The following PMM2 variants were observed in gnomAD, a reference collection of about 807,000 sequenced individuals.
PMM2 encodes phosphomannomutase 2.
PMM2 carries 35 observed loss-of-function variants against 33.2 expected under a neutral mutation model. The ratio of observed to expected loss-of-function variants is 1.06; its 90% confidence interval spans 0.81 to 1.40. The LOEUF (loss-of-function observed/expected upper bound fraction) is 1.40. Among genes scored for constraint, PMM2 ranks in the 40% most tolerant of loss-of-function variants. PMM2 has a pLI of 0.00. For missense variants in PMM2, 386 were observed against 306.0 expected, an observed-to-expected ratio of 1.26 and a Z score of -1.95; for synonymous variants, 153 against 114.7, an observed-to-expected ratio of 1.33 and a Z score of -2.13.
At chr16:8,815,626 G>A (rs1294422993) in intron 7 of PMM2, among the ~76,000 whole-genome samples, 3 of 152,250 alleles carry the variant, frequency 2.0e-5, no homozygotes, top group East Asian at 1.9e-4. Context: ...CAGTGAACAC[G>A]GGGGTACAGA....
chr16:8,847,612 T>C, intron 7 of PMM2, 112 bp from the exon 8 acceptor site: 1 of 777,532 alleles, frequency 1.3e-6, no homozygotes, highest in South Asian at 1.4e-5. Flanking sequence ...GAAGAAACTC[T>C]CCCTGCCCAG....
Position 8,804,840 on chromosome 16 carries a change from A to G in PMM2, c.252A>G (p.Arg84=). The stretch of plus-strand genomic sequence containing the variant: ...ACAAAGATGGGAAACTCTTGTGTAG[A>G]CAGGTAGGTTCTTGAGTATCTGAAT... ...VAYKDGKLLC[R]QNIQSHLGEA... Residue 84 remains arginine (R), a synonymous_variant, in exon 3 of 8, where the codon AGA becomes AGG. Transcript: ENST00000268261. The G allele has an allele frequency of 1.3e-6, 2 of 1,598,618 alleles. No individual in the cohort carries two copies. The highest frequency in any genetic ancestry group is 1.7e-6 in the Non-Finnish European group (2 of 1,165,802).
Position 8,806,345 on chromosome 16 carries a change from A to T in PMM2, c.285A>T (p.Leu95=). Residue 95 remains leucine (L), a synonymous_variant, in exon 4 of 8, where the codon CTA becomes CTT. Transcript: ENST00000268261. ...TTCAAAGTCATCTGGGTGAGGCCCTAATCCAAGATTTAATCAACTACTGTC... is the reference window on the plus strand; with the variant it reads ...TTCAAAGTCATCTGGGTGAGGCCCTTATCCAAGATTTAATCAACTACTGTC... The part of the protein sequence containing the change: ...QNIQSHLGEA[L]IQDLINYCLS... 2.5e-6 allele frequency: 4 copies of T among 1,610,688 alleles called. No homozygotes were observed. Among genetic ancestry groups the T allele is most frequent in the Middle Eastern group, 1.7e-4 (1 of 6,052 alleles).
At chr16:8,827,777 TA>T (rs2060780701) in intron 7 of PMM2, among the ~76,000 whole-genome samples, 4 of 74,854 alleles carry the variant, frequency 5.3e-5, no homozygotes, top group Non-Finnish European at 7.7e-5. Context: ...CATTTATATA[TA>T]TATATTTATA....
chr16:8,840,536 C>A (rs1018440222), intron 7 of PMM2, among the ~76,000 whole-genome samples: 4 of 151,786 alleles, frequency 2.6e-5, no homozygotes, highest in Non-Finnish European at 5.9e-5. Context: ...AGCCCTGTTG[C>A]AAAAAGTAGG....
chr16:8,843,539 T>A (rs1015450046), intron 7 of PMM2, among the ~76,000 whole-genome samples: 1 of 152,032 alleles, frequency 6.6e-6, no homozygotes, highest in African/African-American at 2.4e-5. Flanking sequence ...TTCTGGCACG[T>A]GTAGCAAGCT....
rs949146630 is a variant in PMM2, at chr16:8,847,972, C to T, written c.*147C>T. ...TGCCAGGCATGTGCAGTCTGGACTT[C>T]CACCTCCAGTGCCAGAAACTTCCAG... is the stretch of plus-strand genomic sequence containing the variant. On this transcript the variant is annotated 3_prime_UTR_variant, in exon 8 of 8. Transcript: ENST00000268261. The T allele has an allele frequency of 4.6e-6, 3 of 645,480 alleles. No homozygotes were observed. In the South Asian group the frequency reaches 5.2e-5, roughly 11 times the overall value. 40.0% of individuals were successfully genotyped at this position (645,480 alleles called of 1,614,324 possible). A position where few individuals can be genotyped will look rare whatever the true frequency, so the allele number is the denominator to read the frequency against.
At chr16:8,813,224 G>T in intron 7 of PMM2, 118 bp downstream of exon 7, 1 of 760,840 alleles carries the variant, frequency 1.3e-6, no homozygotes, top group Non-Finnish European at 2.4e-6. Context: ...CTCAAACTGA[G>T]CAGTGGCTTC....
chr16:8,807,213 G>C (rs748038443), intron 4 of PMM2, among the ~76,000 whole-genome samples: 7 of 149,000 alleles, frequency 4.7e-5, no homozygotes, highest in Non-Finnish European at 8.9e-5. Flanking sequence ...CACTCTGTTG[G>C]CCAGGCTGAT....
chr16:8,837,727 T>C (rs2060860138), intron 7 of PMM2, among the ~76,000 whole-genome samples: 1 of 151,932 alleles, frequency 6.6e-6, no homozygotes, highest in Non-Finnish European at 1.5e-5. Flanking sequence ...TGTACTTGCC[T>C]CTCCGCCAGA....
At chr16:8,814,832 G>T (rs1289838271) in intron 7 of PMM2, among the ~76,000 whole-genome samples, 5 of 152,138 alleles carry the variant, frequency 3.3e-5, no homozygotes, top group African/African-American at 1.2e-4. Flanking sequence ...ATTGTTATAA[G>T]AACACTTAAC....
intron 7 of PMM2, among the ~76,000 whole-genome samples, chr16:8,837,864 C>T (rs1567168489): frequency 6.6e-6 from 1 of 152,100 alleles, no homozygotes; most frequent in Non-Finnish European, 1.5e-5. Context: ...AGGCTGCCTT[C>T]CCAGTCTCTG....
intron 7 of PMM2, among the ~76,000 whole-genome samples, chr16:8,826,750 G>A (rs768219296): frequency 5.9e-5 from 9 of 151,850 alleles, no homozygotes; most frequent in Admixed American, 2.6e-4. Context: ...TATATAGACC[G>A]AAGAAGATGC....
chr16:8,797,940 C>T lies in PMM2; in HGVS notation c.58C>T (p.Pro20Ser), dbSNP rs949271895. Residue 20 changes from proline (P) to serine (S), a missense_variant, in exon 1 of 8, where the codon CCG (proline) becomes TCG (serine). Physicochemically the swap from Pro to Ser is moderately conservative, Grantham distance 74. Coordinates refer to ENST00000268261, the MANE Select transcript of PMM2 (RefSeq NM_000303.3). ...CGACGTGGATGGGACCCTCACCGCCCCGCGGCAGGTAAGTGGCGGCCGGCG... is the reference window on the plus strand; with the variant it reads ...CGACGTGGATGGGACCCTCACCGCCTCGCGGCAGGTAAGTGGCGGCCGGCG... ...LFDVDGTLTA[P>S]RQKITKEMDD... The T allele has an allele frequency of 1.1e-5, 17 of 1,606,316 alleles. No homozygotes were observed. The highest frequency in any genetic ancestry group is 1.4e-5 in the Non-Finnish European group (16 of 1,177,138).
chr16:8,816,253 A>G (rs2060707353), intron 7 of PMM2, among the ~76,000 whole-genome samples: 1 of 151,958 alleles, frequency 6.6e-6, no homozygotes, highest in Admixed American at 6.6e-5. Context: ...CAGCCTCCCG[A>G]GTAGCTGGGA....
At position 8,810,890 on chromosome 16, in the gene PMM2, A is replaced by G; in HGVS notation, c.348-189A>G. 8.1e-6 allele frequency: 5 copies of G among 618,520 alleles called. No homozygotes were observed. The South Asian group carries it at 9.5e-5, about 12-fold the overall frequency. The allele number at this position is 618,520 out of a possible 1,614,324, so 38.3% of individuals were successfully genotyped here. ...TCTTTCAAATCTAATCTCAATTCAT[A>G]TTAGCCACATTTCAAGTCTTAATAG... On this transcript the variant is annotated intron_variant, in intron 4 of 7. Coordinates refer to ENST00000268261, the MANE Select transcript of PMM2 (RefSeq NM_000303.3).
chr16:8,821,995 T>A (rs898081903), intron 7 of PMM2, among the ~76,000 whole-genome samples: 2 of 152,222 alleles, frequency 1.3e-5, no homozygotes, highest in Non-Finnish European at 2.9e-5. Context: ...CAAGAGCCGA[T>A]TTATCAAGAC....
At chr16:8,827,493 T>A (rs1212384208) in intron 7 of PMM2, among the ~76,000 whole-genome samples, 1 of 150,564 alleles carries the variant, frequency 6.6e-6, no homozygotes, top group Admixed American at 6.6e-5. Context: ...CCTCCCGGGT[T>A]CAAGTGATTC....
intron 7 of PMM2, among the ~76,000 whole-genome samples, chr16:8,817,257 AT>A (rs1379746042): frequency 1.3e-5 from 2 of 152,224 alleles, no homozygotes; most frequent in Admixed American, 1.3e-4. Context: ...TTTTGTTGAA[AT>A]GCTTTTGATG....
Sources: gnomAD v4.1 joint callset for allele counts (sites outside exome capture counted in the v4.1 genomes callset) on GRCh38, gnomAD v4.1.1 for gene constraint, MANE v1.5 for transcripts, NCBI Gene and HGNC (gene_info 2026-07-23, HGNC 2026-07-21) for gene names.